Variants in P3H2 observed in about 807,000 individuals in gnomAD.
The protein encoded by P3H2 is leprecan-like 1.
In P3H2, 80 loss-of-function variants were observed where a neutral mutation model predicts 87.0. The ratio of observed to expected loss-of-function variants is 0.92; its 90% CI spans 0.77 to 1.11. The LOEUF (loss-of-function observed/expected upper bound fraction) is 1.11. Ranked by LOEUF, P3H2 falls within the 50% of genes least tolerant of loss-of-function variation. The pLI is 0.00. For synonymous variants in P3H2, 367 were observed against 359.3 expected (o/e 1.02, Z -0.24); for missense variants, 1,001 against 923.9 (o/e 1.08, Z -1.08).
intron 1 of P3H2, among the ~76,000 whole-genome samples, chr3:190,113,315 T>C (rs1384466200): frequency 1.3e-5 from 2 of 150,012 alleles, no homozygotes; most frequent in Non-Finnish European, 2.9e-5. Flanking sequence ...GATTTTTTCA[T>C]GATCTTTGAG....
intron 10 of P3H2, among the ~76,000 whole-genome samples, chr3:189,973,626 C>A (rs1723253252): frequency 6.7e-6 from 1 of 150,202 alleles, no homozygotes; most frequent in Non-Finnish European, 1.5e-5. Flanking sequence ...CAGGTTCACG[C>A]CATTCTCCTG....
intron 1 of P3H2, among the ~76,000 whole-genome samples, chr3:190,107,168 T>C (rs1711875484): frequency 1.3e-5 from 2 of 152,194 alleles, no homozygotes; most frequent in Admixed American, 6.5e-5. Flanking sequence ...GTATTTAGTC[T>C]GATTCTTCCT....
intron 1 of P3H2, among the ~76,000 whole-genome samples, chr3:190,066,647 T>G (rs942664149): frequency 1.3e-5 from 2 of 151,732 alleles, no homozygotes; most frequent in Non-Finnish European, 2.9e-5. Flanking sequence ...AATAAAAAAA[T>G]GGAAAAAAGA....
chr3:190,112,054 T>C (rs1032690461), intron 1 of P3H2, among the ~76,000 whole-genome samples: 1 of 152,178 alleles, frequency 6.6e-6, no homozygotes, highest in Non-Finnish European at 1.5e-5. Flanking sequence ...ATTTTCCCCA[T>C]GGGTCTTGTG....
At chr3:190,064,017 A>G (rs1328756006) in intron 1 of P3H2, among the ~76,000 whole-genome samples, 1 of 139,430 alleles carries the variant, frequency 7.2e-6, no homozygotes. Context: ...TTTTTGAGAC[A>G]GGGTCTCACT....
chr3:190,022,946 C>G (rs1724972515), intron 1 of P3H2, among the ~76,000 whole-genome samples: 1 of 152,118 alleles, frequency 6.6e-6, no homozygotes, highest in African/African-American at 2.4e-5. Flanking sequence ...CCTGCTTCAG[C>G]CTCCCGAGTA....
intron 13 of P3H2, chr3:189,969,486 C>T: frequency 1.0e-6 from 1 of 956,040 alleles, no homozygotes; most frequent in Non-Finnish European, 1.7e-6. Flanking sequence ...TGACTTCCAT[C>T]ATAGAGGGAC....
chr3:189,989,022 C>T lies in P3H2; in HGVS notation c.840G>A (p.Val280=). ...TCACACATTCATGCTGACAAACAAG[C>T]ACCTGCATGTAGTGATCTGGAAGAC... The part of the protein sequence containing the change: ...YEAIADHYMQ[V]LVCQHECVRE... The change falls in exon 4 of 15, where the codon GTG becomes GTA. Residue 280 remains valine, a synonymous_variant. Coordinates refer to ENST00000319332, the MANE Select transcript of P3H2 (RefSeq NM_018192.4). 1 of 1,614,094 alleles carries T rather than the reference C, an allele frequency of 6.2e-7. No homozygotes were observed. Among genetic ancestry groups the T allele is most frequent in the Non-Finnish European group, 8.5e-7 (1 of 1,180,016 alleles).
At chr3:190,030,852 A>C (rs1725230657) in intron 1 of P3H2, among the ~76,000 whole-genome samples, 2 of 152,210 alleles carry the variant, frequency 1.3e-5, no homozygotes, top group Non-Finnish European at 2.9e-5. Context: ...ATTAATGAGA[A>C]TATTACATAA....
intron 1 of P3H2, among the ~76,000 whole-genome samples, chr3:190,079,572 C>T (rs762459402): frequency 6.6e-6 from 1 of 151,982 alleles, no homozygotes; most frequent in Non-Finnish European, 1.5e-5. Flanking sequence ...TTTCTTAATA[C>T]CTGATATTTA....
intron 13 of P3H2, 81 bp from the exon 14 acceptor site, chr3:189,964,179 T>C (rs916443765): frequency 3.0e-6 from 4 of 1,329,046 alleles, no homozygotes; most frequent in Admixed American, 1.7e-5. Flanking sequence ...GGCTATGAGA[T>C]TATTTGAGTT....
At chr3:190,086,389 A>T (rs972570393) in intron 1 of P3H2, among the ~76,000 whole-genome samples, 1 of 152,138 alleles carries the variant, frequency 6.6e-6, no homozygotes, top group Non-Finnish European at 1.5e-5. Flanking sequence ...TGCTTCTCTG[A>T]GTGTTTCCCG....
intron 1 of P3H2, among the ~76,000 whole-genome samples, chr3:190,054,368 T>C (rs147344569): frequency 1.3e-5 from 2 of 152,164 alleles, no homozygotes; most frequent in South Asian, 4.2e-4. Context: ...CAGACTGATC[T>C]GAGAGCCGAC....
intron 1 of P3H2, among the ~76,000 whole-genome samples, chr3:190,086,274 C>T (rs1428052837): frequency 6.6e-6 from 1 of 152,174 alleles, no homozygotes; most frequent in Non-Finnish European, 1.5e-5. Context: ...TAAGGGCTAT[C>T]ACTGAATACC....
chr3:190,108,744 A>C (rs1483151659), intron 1 of P3H2, among the ~76,000 whole-genome samples: 2 of 151,326 alleles, frequency 1.3e-5, no homozygotes, highest in Non-Finnish European at 3.0e-5. Flanking sequence ...AGAAGGTTAC[A>C]TCTAAAAGGC....
At chr3:189,969,148 G>A (rs1577245040) in intron 13 of P3H2, 9 of 594,950 alleles carry the variant, frequency 1.5e-5, no homozygotes, top group African/African-American at 5.6e-5. Context: ...ATTTTCTTTC[G>A]GGGTCTGTAA....
intron 14 of P3H2, among the ~76,000 whole-genome samples, chr3:189,960,799 C>A (rs1186038463): frequency 1.3e-5 from 2 of 152,124 alleles, no homozygotes; most frequent in Non-Finnish European, 2.9e-5. Flanking sequence ...AAAACAAAGC[C>A]CCTTTCATGC....
At chr3:189,971,642 A>G in intron 12 of P3H2, 1 of 464,140 alleles carries the variant, frequency 2.2e-6, no homozygotes, top group South Asian at 2.1e-5. Flanking sequence ...AGAACATAAA[A>G]TTTACTTTTC....
At chr3:190,111,412 A>G (rs1180853153) in intron 1 of P3H2, among the ~76,000 whole-genome samples, 4 of 152,064 alleles carry the variant, frequency 2.6e-5, no homozygotes, top group African/African-American at 9.7e-5. Context: ...GGGCCACTCA[A>G]TTCTCTTTTG....
Sources: allele counts gnomAD v4.1 joint callset (sites outside exome capture counted in the v4.1 genomes callset), GRCh38; gene constraint gnomAD v4.1.1; transcripts MANE v1.5; gene names NCBI Gene and HGNC (gene_info 2026-07-23, HGNC 2026-07-21).